The following MEIS1 variants were observed in gnomAD, a reference collection of about 807,000 sequenced individuals.
MEIS1 encodes Meis homeobox 1.
A neutral mutation model predicts 50.8 loss-of-function variants in MEIS1; 5 were observed. The ratio of observed to expected loss-of-function variants is 0.10; its 90% confidence interval spans 0.05 to 0.21. The LOEUF is 0.21. Ranked by LOEUF, MEIS1 falls within the 10% of genes least tolerant of loss-of-function variation. MEIS1 has a pLI of 1.00. For missense variants in MEIS1, 318 were observed against 517.3 expected (o/e 0.61, Z 3.74); for synonymous variants, 176 against 179.3 (o/e 0.98, Z 0.15).
At chr2:66,452,185 G>A (rs1347351082) in intron 6 of MEIS1, among the ~76,000 whole-genome samples, 2 of 151,862 alleles carry the variant, frequency 1.3e-5, no homozygotes, top group Admixed American at 1.3e-4. Context: ...ATCCACGCTT[G>A]AGAATATTTT....
intron 12 of MEIS1, 31 bp from the exon 13 acceptor site, chr2:66,571,209 ATTTTCT>A: frequency 6.5e-7 from 1 of 1,543,210 alleles, no homozygotes. Flanking sequence ...TTTTCATAAC[ATTTTCT>A]TTTTGTTTCT....
At chr2:66,535,009 C>G (rs900226505) in intron 8 of MEIS1, among the ~76,000 whole-genome samples, 1 of 152,130 alleles carries the variant, frequency 6.6e-6, no homozygotes, top group Admixed American at 6.5e-5. Context: ...TTTGTTTCAT[C>G]CTGGGCAGTA....
In MEIS1 at chr2:66,537,716, C is replaced by A. The variant is rs191549511; in HGVS notation, c.889-10227C>A. Among the ~76,000 whole-genome samples the A allele has an allele frequency of 6.4e-4, 97 of 152,272 alleles. 1 individual carries two copies. The highest frequency in any genetic ancestry group is 4.1e-3 in the South Asian group (20 of 4,820). On this transcript the variant is annotated intron_variant, in intron 8 of 12. Transcript: ENST00000272369. ...TGTCAACAGACTCATTCCAAAATGG[C>A]GTTGTAGTATTTCATCTTCCTTGTC...
rs1519100 is a variant in MEIS1 at position 66,439,235 on chromosome 2, G to A, written c.240-608G>A. 3.9e-6 allele frequency: 4 copies of A among 1,020,172 alleles called. No homozygotes were observed. In the African/African-American group the frequency reaches 5.1e-5, roughly 13 times the overall value. 63.2% of individuals were successfully genotyped at this position (1,020,172 alleles called of 1,614,324 possible). Reference sequence around the variant, plus strand: ...CTTTGGGGGGCGGTGGGGGCTATCAGCGAAGGGAGGGGAATGTGCGTGGAG... The same window carrying A: ...CTTTGGGGGGCGGTGGGGGCTATCAACGAAGGGAGGGGAATGTGCGTGGAG... On this transcript the variant is annotated intron_variant, in intron 2 of 12. Transcript: ENST00000272369.
chr2:66,495,951 C>T (rs1007109286), intron 7 of MEIS1: 9 of 152,422 alleles, frequency 5.9e-5, no homozygotes, highest in African/African-American at 2.2e-4. Context: ...CAGGCCAATT[C>T]AGAAGTCAGG....
intron 9 of MEIS1, among the ~76,000 whole-genome samples, chr2:66,555,746 CACTT>C (rs1490972960): frequency 1.3e-5 from 2 of 152,194 alleles, no homozygotes; most frequent in African/African-American, 4.8e-5. Context: ...TCTCTCCTCT[CACTT>C]ACATCATCAT....
intron 8 of MEIS1, among the ~76,000 whole-genome samples, chr2:66,527,100 G>A (rs369320507): frequency 1.3e-5 from 2 of 152,190 alleles, no homozygotes; most frequent in East Asian, 1.9e-4. Flanking sequence ...AATAGCATAC[G>A]TTTGAATTTC....
intron 10 of MEIS1, 143 bp from the exon 11 acceptor site, chr2:66,568,522 AAT>A: frequency 4.2e-6 from 2 of 474,788 alleles, no homozygotes; most frequent in Non-Finnish European, 7.4e-6. Context: ...GTCTGAGAGA[AAT>A]TTCACTTTGA....
At chr2:66,518,517 A>T (rs957062076) in intron 8 of MEIS1, among the ~76,000 whole-genome samples, 2 of 152,254 alleles carry the variant, frequency 1.3e-5, no homozygotes, top group Non-Finnish European at 2.9e-5. Context: ...ACAATTTGTT[A>T]GGTTGTTACT....
At position 66,571,596 on chromosome 2, in the gene MEIS1, T is replaced by C; in HGVS notation, c.*388T>C. On this transcript the variant is annotated 3_prime_UTR_variant, in exon 13 of 13. Transcript: ENST00000272369. The stretch of plus-strand genomic sequence containing the variant: ...AATCATGTTTTTTCTGCAATGACTG[T>C]GGAGTTCCATTCTTGGCATCTACTC... 6.5e-7 allele frequency: 1 copy of C among 1,529,830 alleles called. No individual in the cohort carries two copies. Among genetic ancestry groups the C allele is most frequent in the Non-Finnish European group, 8.9e-7 (1 of 1,129,836 alleles). 94.8% of individuals were successfully genotyped at this position (1,529,830 alleles called of 1,614,324 possible).
intron 6 of MEIS1, chr2:66,445,258 C>T (rs1422375247): frequency 6.6e-6 from 1 of 152,310 alleles, no homozygotes; most frequent in Non-Finnish European, 1.5e-5. Context: ...CCCTGGGGCT[C>T]ACCCAAGTTT....
intron 7 of MEIS1, among the ~76,000 whole-genome samples, chr2:66,504,423 A>G (rs1452961140): frequency 2.6e-5 from 4 of 151,682 alleles, no homozygotes; most frequent in Non-Finnish European, 4.4e-5. Context: ...TTTAGTGGAG[A>G]TGGGCTTTCA....
At chr2:66,556,842 C>G (rs1392666482) in intron 9 of MEIS1, among the ~76,000 whole-genome samples, 1 of 147,446 alleles carries the variant, frequency 6.8e-6, no homozygotes, top group Non-Finnish European at 1.5e-5. Flanking sequence ...TGGCTGGTTA[C>G]CTGACAATAC....
intron 7 of MEIS1, among the ~76,000 whole-genome samples, chr2:66,482,316 C>T (rs570421462): frequency 1.3e-5 from 2 of 152,278 alleles, no homozygotes; most frequent in South Asian, 2.1e-4. Context: ...CACCACCACC[C>T]TTATGGTGGA....
At chr2:66,514,862 G>A (rs1363489136) in intron 8 of MEIS1, among the ~76,000 whole-genome samples, 1 of 152,108 alleles carries the variant, frequency 6.6e-6, no homozygotes, top group Non-Finnish European at 1.5e-5. Flanking sequence ...CCTTCTTGAA[G>A]GAATGCATGG....
chr2:66,556,439 A>G (rs76811224), intron 9 of MEIS1, among the ~76,000 whole-genome samples: 1,566 of 152,292 alleles, frequency 0.01, 7 homozygotes, highest in Non-Finnish European at 0.017. Flanking sequence ...AACTTAGCTC[A>G]AAAATAAATG....
intron 7 of MEIS1, among the ~76,000 whole-genome samples, chr2:66,472,205 A>C (rs772693358): frequency 5.3e-5 from 8 of 152,218 alleles, no homozygotes; most frequent in Non-Finnish European, 1.2e-4. Context: ...GAAATAAATA[A>C]GGAGAGAATT....
intron 7 of MEIS1, among the ~76,000 whole-genome samples, chr2:66,468,248 C>G (rs931802487): frequency 1.3e-5 from 2 of 152,096 alleles, no homozygotes; most frequent in Non-Finnish European, 2.9e-5. Flanking sequence ...AGAGCCTACT[C>G]TAGGAACTGT....
At chr2:66,512,510 T>A (rs936755608) in intron 8 of MEIS1, among the ~76,000 whole-genome samples, 1 of 152,190 alleles carries the variant, frequency 6.6e-6, no homozygotes, top group Admixed American at 6.5e-5. Flanking sequence ...TTTGTTAACT[T>A]TCATAAGTTA....
Sources: allele counts gnomAD v4.1 joint callset (sites outside exome capture counted in the v4.1 genomes callset), GRCh38; gene constraint gnomAD v4.1.1; transcripts MANE v1.5; gene names NCBI Gene and HGNC (gene_info 2026-07-23, HGNC 2026-07-21).